Variants in PSD3 observed in about 807,000 individuals in gnomAD.
The protein encoded by PSD3 is pleckstrin and Sec7 domain containing 3.
A neutral mutation model predicts 105.5 loss-of-function variants in PSD3; 49 were observed. That is an observed-to-expected ratio of 0.46 (90% confidence interval 0.37 to 0.59). PSD3 has a LOEUF of 0.59. Among genes scored for constraint, PSD3 ranks in the 20% least tolerant of loss-of-function variants. The pLI is 0.00. For missense variants in PSD3, 1,561 were observed against 1,263.8 expected, an observed-to-expected ratio of 1.24 and a Z score of -3.57; for synonymous variants, 557 against 457.8, an observed-to-expected ratio of 1.22 and a Z score of -2.77.
chr8:18,661,801 A>G (rs1450485823), intron 9 of PSD3, among the ~76,000 whole-genome samples: 1 of 152,160 alleles, frequency 6.6e-6, no homozygotes, highest in African/African-American at 2.4e-5. Flanking sequence ...CATTTTAGGG[A>G]GAAGTACATA....
rs905370774 is a variant in PSD3 at position 18,533,733 on chromosome 8, T to C, written c.*2010A>G. 11 of 152,138 alleles carry C rather than the reference T, an allele frequency of 7.2e-5. No individual in the cohort carries two copies. The highest frequency in any genetic ancestry group is 2.7e-4 in the African/African-American group (11 of 41,438). 9.4% of individuals were successfully genotyped at this position (152,138 alleles called of 1,614,324 possible). On this transcript the variant is annotated 3_prime_UTR_variant, in exon 16 of 16. Coordinates refer to ENST00000327040, the MANE Select transcript of PSD3 (RefSeq NM_015310.4). The stretch of plus-strand genomic sequence containing the variant: ...TAAACATTTAGGCAGAAAACAAATA[T>C]CCTGATAATTTAGATTATCAGGTAG...
At chr8:18,839,020 C>T (rs937013643) in intron 4 of PSD3, among the ~76,000 whole-genome samples, 113 of 151,590 alleles carry the variant, frequency 7.5e-4, no homozygotes, top group African/African-American at 2.6e-3. Flanking sequence ...TGACAGACAA[C>T]TCAAAACCAA....
intron 8 of PSD3, among the ~76,000 whole-genome samples, chr8:18,795,279 G>C (rs1226312137): frequency 6.6e-6 from 1 of 152,124 alleles, no homozygotes; most frequent in Non-Finnish European, 1.5e-5. Flanking sequence ...TACTCAACAT[G>C]CTCTGAGTAT....
chr8:18,998,745 T>C (rs912024137), intron 1 of PSD3, among the ~76,000 whole-genome samples: 1 of 151,852 alleles, frequency 6.6e-6, no homozygotes, highest in African/African-American at 2.4e-5. Flanking sequence ...TGCAAGCAGG[T>C]GAATGTAGCC....
intron 2 of PSD3, among the ~76,000 whole-genome samples, chr8:18,892,030 G>C (rs1818817066): frequency 6.6e-6 from 1 of 152,124 alleles, no homozygotes; most frequent in African/African-American, 2.4e-5. Context: ...TACAAAAGGG[G>C]CATTTAGTTG....
chr8:18,793,948 C>CATTAAATTTTTAAAATAA (rs1809992597), intron 8 of PSD3, among the ~76,000 whole-genome samples: 1 of 99,534 alleles, frequency 1.0e-5, no homozygotes, highest in African/African-American at 3.1e-5. Context: ...CAATATGAAG[C>CATTAAATTTTTAAAATAA]TGTGGGGAAA....
chr8:18,919,706 T>C (rs1169678128), intron 2 of PSD3, among the ~76,000 whole-genome samples: 1 of 151,946 alleles, frequency 6.6e-6, no homozygotes, highest in Non-Finnish European at 1.5e-5. Context: ...TGTAGGGACA[T>C]GGATGAAATT....
intron 9 of PSD3, among the ~76,000 whole-genome samples, chr8:18,672,827 T>C (rs1046799578): frequency 1.3e-5 from 2 of 152,144 alleles, no homozygotes; most frequent in South Asian, 2.1e-4. Context: ...GATGAAACCT[T>C]TTGCTTTTCT....
intron 9 of PSD3, among the ~76,000 whole-genome samples, chr8:18,668,513 A>G (rs73589491): frequency 0.078 from 11,925 of 152,172 alleles, 853 homozygotes; most frequent in African/African-American, 0.19. Flanking sequence ...TGAGAGAGGT[A>G]GTATTATTCC....
chr8:18,647,673 T>A (rs1018203872), intron 10 of PSD3, among the ~76,000 whole-genome samples: 4 of 147,874 alleles, frequency 2.7e-5, no homozygotes, highest in African/African-American at 1.0e-4. Flanking sequence ...TTTTTTAAAC[T>A]AGGATAAGGG....
intron 11 of PSD3, among the ~76,000 whole-genome samples, chr8:18,624,985 C>G (rs1438855550): frequency 6.6e-6 from 1 of 152,022 alleles, no homozygotes; most frequent in Non-Finnish European, 1.5e-5. Flanking sequence ...ATCCTCCTGT[C>G]TTGGATTCCC....
At chr8:19,059,875 G>A (rs769990062) in intron 1 of PSD3, among the ~76,000 whole-genome samples, 12 of 152,206 alleles carry the variant, frequency 7.9e-5, no homozygotes, top group Admixed American at 2.6e-4. Flanking sequence ...ACCAGGCTCT[G>A]TCTTCTATAA....
intron 2 of PSD3, among the ~76,000 whole-genome samples, chr8:18,914,064 G>T (rs1438091435): frequency 6.6e-6 from 1 of 152,040 alleles, no homozygotes; most frequent in South Asian, 2.1e-4. Flanking sequence ...AAACCCCAGG[G>T]GAGCCAGGAA....
chr8:18,872,336 G>A lies in PSD3; in HGVS notation c.528C>T (p.Ala176=), dbSNP rs1817431684. 1.2e-6 allele frequency: 2 copies of A among 1,614,030 alleles called. No homozygotes were observed. Among genetic ancestry groups the A allele is most frequent in the East Asian group, 2.2e-5 (1 of 44,896 alleles). Residue 176 remains alanine, a synonymous_variant, in exon 3 of 16, where the codon GCC becomes GCT. Coordinates refer to ENST00000327040, the MANE Select transcript of PSD3 (RefSeq NM_015310.4). Reference sequence around the variant, plus strand: ...TGTTGACTCTCTGTGTTTTACGACTGGCAGTGTCCAGCTCTTTTTCCACCT... The same window carrying A: ...TGTTGACTCTCTGTGTTTTACGACTAGCAGTGTCCAGCTCTTTTTCCACCT... ...VQQVEKELDT[A]SRKTQRVNKT...
chr8:19,004,253 G>C (rs979154732), intron 1 of PSD3, among the ~76,000 whole-genome samples: 18 of 152,114 alleles, frequency 1.2e-4, no homozygotes, highest in African/African-American at 4.1e-4. Context: ...ATACATAAGA[G>C]TCTCAAGTCT....
chr8:18,730,209 A>C (rs1476212118), intron 9 of PSD3: 1 of 152,230 alleles, frequency 6.6e-6, no homozygotes, highest in Non-Finnish European at 1.5e-5. Context: ...ATCTGCATTT[A>C]TTCCACAATC....
intron 9 of PSD3, among the ~76,000 whole-genome samples, chr8:18,746,209 A>C (rs765941131): frequency 7.9e-5 from 12 of 151,992 alleles, no homozygotes; most frequent in Admixed American, 2.6e-4. Flanking sequence ...CCCACCTTTG[A>C]GTGGTGTTTT....
intron 8 of PSD3, among the ~76,000 whole-genome samples, chr8:18,770,817 T>TCAGTG (rs1390453920): frequency 2.0e-5 from 3 of 152,272 alleles, no homozygotes; most frequent in African/African-American, 7.2e-5. Context: ...GGGCAAAGGG[T>TCAGTG]CAGTGTGACA....
Position 18,600,345 on chromosome 8 carries a change from T to G in PSD3, c.2481+19A>C. The G allele has an allele frequency of 6.3e-7, 1 of 1,599,020 alleles. No homozygotes were observed. Among genetic ancestry groups the G allele is most frequent in the Non-Finnish European group, 8.6e-7 (1 of 1,167,482 alleles). ...TATTTCATCGAGTTTTGTGGATTTT[T>G]TATCTGCTTTACTTTTACCTTTTGC... is the stretch of plus-strand genomic sequence containing the variant. On this transcript the variant is annotated intron_variant, in intron 12 of 15. Coordinates refer to ENST00000327040, the MANE Select transcript of PSD3 (RefSeq NM_015310.4).
Sources: allele counts gnomAD v4.1 joint callset (sites outside exome capture counted in the v4.1 genomes callset), GRCh38; gene constraint gnomAD v4.1.1; transcripts MANE v1.5; gene names NCBI Gene and HGNC (gene_info 2026-07-23, HGNC 2026-07-21).